The following NFXL1 variants were observed in gnomAD, a reference collection of about 807,000 sequenced individuals.
NFXL1 encodes the protein NF-X1-type zinc finger protein NFXL1.
In NFXL1, 66 loss-of-function variants were observed where a neutral mutation model predicts 123.3. The ratio of observed to expected loss-of-function variants is 0.54; its 90% CI spans 0.44 to 0.66. The LOEUF is 0.66. NFXL1 is among the 30% of genes least tolerant of loss of function. NFXL1 has a pLI of 0.00. For synonymous variants in NFXL1, 346 were observed against 360.8 expected, an observed-to-expected ratio of 0.96 and a Z score of 0.46; for missense variants, 944 against 1,125.6, an observed-to-expected ratio of 0.84 and a Z score of 2.31.
chr4:47,858,344 T>C (rs188874019), intron 19 of NFXL1, among the ~76,000 whole-genome samples: 1 of 152,328 alleles, frequency 6.6e-6, no homozygotes, highest in African/African-American at 2.4e-5. Flanking sequence ...TGGAAATCAA[T>C]TTGATATTAT....
chr4:47,906,690 G>A (rs1219740802), intron 3 of NFXL1, among the ~76,000 whole-genome samples: 1 of 152,068 alleles, frequency 6.6e-6, no homozygotes, highest in Non-Finnish European at 1.5e-5. Flanking sequence ...TAATTTAACA[G>A]CTAACTCAAA....
intron 15 of NFXL1, among the ~76,000 whole-genome samples, chr4:47,883,194 G>A (rs1412240875): frequency 1.3e-5 from 2 of 151,232 alleles, no homozygotes; most frequent in Non-Finnish European, 2.9e-5. Flanking sequence ...GCAGTGAGCC[G>A]ACATTGAACC....
intron 21 of NFXL1, 145 bp downstream of exon 21, chr4:47,851,711 C>A (rs548143598): frequency 1.3e-5 from 7 of 551,094 alleles, no homozygotes; most frequent in Non-Finnish European, 2.2e-5. Context: ...TCCCAATCTG[C>A]CATTCAAAAT....
At chr4:47,877,259 T>C in intron 17 of NFXL1, 5 of 437,520 alleles carry the variant, frequency 1.1e-5, no homozygotes, top group South Asian at 3.2e-5. Context: ...AAAAAATCAC[T>C]GAATCTACAC....
At chr4:47,886,070 A>C in intron 12 of NFXL1, 71 bp from the exon 13 acceptor site, 1 of 1,369,214 alleles carries the variant, frequency 7.3e-7, no homozygotes, top group South Asian at 1.3e-5. Context: ...AAAATACATA[A>C]ATTTAGTATA....
intron 18 of NFXL1, among the ~76,000 whole-genome samples, chr4:47,863,934 T>A (rs1005571126): frequency 2.0e-5 from 3 of 152,216 alleles, no homozygotes; most frequent in Admixed American, 6.5e-5. Context: ...TTTCTTACTT[T>A]TCCTATTCTT....
chr4:47,889,267 T>A (rs1467181540), intron 12 of NFXL1, among the ~76,000 whole-genome samples: 2 of 151,998 alleles, frequency 1.3e-5, no homozygotes, highest in African/African-American at 4.8e-5. Flanking sequence ...ACTCAATGGG[T>A]CAGTGATGTA....
chr4:47,875,102 A>C, intron 18 of NFXL1, 25 bp downstream of exon 18: 1 of 1,499,298 alleles, frequency 6.7e-7, no homozygotes, highest in South Asian at 1.2e-5. Flanking sequence ...GTAATAAAAT[A>C]AGACTTTTTT....
intron 19 of NFXL1, among the ~76,000 whole-genome samples, chr4:47,859,841 C>CAAAAAAAAAAAAAA (rs938207203): frequency 2.1e-4 from 3 of 14,314 alleles, no homozygotes; most frequent in South Asian, 5.4e-3. Context: ...GACTCCATCT[C>CAAAAAAAAAAAAAA]AAAAAAAAAA....
intron 12 of NFXL1, among the ~76,000 whole-genome samples, chr4:47,886,403 C>T (rs1352729247): frequency 1.3e-5 from 2 of 151,886 alleles, no homozygotes; most frequent in Admixed American, 1.3e-4. Context: ...GGGTCTCAAC[C>T]TGTTGCTCAA....
chr4:47,876,666 A>C (rs1003927579), intron 17 of NFXL1, among the ~76,000 whole-genome samples: 5 of 152,188 alleles, frequency 3.3e-5, no homozygotes, highest in African/African-American at 1.2e-4. Flanking sequence ...TACTTGATTT[A>C]AATTTTTTAG....
intron 18 of NFXL1, among the ~76,000 whole-genome samples, chr4:47,867,270 A>C (rs936584787): frequency 3.3e-5 from 5 of 152,170 alleles, no homozygotes; most frequent in Admixed American, 1.3e-4. Context: ...AAATTACATC[A>C]GAAATAAAAA....
intron 18 of NFXL1, among the ~76,000 whole-genome samples, chr4:47,864,909 G>A (rs1734962547): frequency 6.6e-6 from 1 of 152,200 alleles, no homozygotes; most frequent in African/African-American, 2.4e-5. Context: ...CAAAGAGGGG[G>A]CTGTGTGAAC....
intron 20 of NFXL1, among the ~76,000 whole-genome samples, chr4:47,853,036 AAG>A (rs1162239685): frequency 6.6e-6 from 1 of 151,916 alleles, no homozygotes. Context: ...TTGTCCTCCA[AAG>A]ACAGTCCAGA....
chr4:47,873,797 TCTAA>T (rs1735581925), intron 18 of NFXL1, among the ~76,000 whole-genome samples: 1 of 152,218 alleles, frequency 6.6e-6, no homozygotes, highest in Non-Finnish European at 1.5e-5. Context: ...CTGACTTCTC[TCTAA>T]CTATGAAAGT....
chr4:47,854,954 AAAG>A, intron 20 of NFXL1, 102 bp downstream of exon 20: 1 of 394,006 alleles, frequency 2.5e-6, no homozygotes, highest in Non-Finnish European at 4.6e-6. Flanking sequence ...AAAAAAAAAA[AAAG>A]CCAAACAACT....
chr4:47,869,126 G>A (rs1463571937), intron 18 of NFXL1, among the ~76,000 whole-genome samples: 5 of 152,182 alleles, frequency 3.3e-5, no homozygotes, highest in East Asian at 1.9e-4. Flanking sequence ...TTGAGAGGCT[G>A]AGGCGGGAGG....
intron 8 of NFXL1, 120 bp downstream of exon 8, chr4:47,898,637 T>G (rs1737227784): frequency 1.5e-6 from 1 of 657,632 alleles, no homozygotes; most frequent in Non-Finnish European, 2.8e-6. Context: ...ATAATTCATC[T>G]GAGTTGCTAT....
intron 18 of NFXL1, among the ~76,000 whole-genome samples, chr4:47,865,544 T>C: frequency 6.7e-6 from 1 of 149,402 alleles, no homozygotes; most frequent in East Asian, 1.9e-4. Context: ...AATGCAAGTA[T>C]TTTCATAGAG....
Sources: allele counts gnomAD v4.1 joint callset (sites outside exome capture counted in the v4.1 genomes callset), GRCh38; gene constraint gnomAD v4.1.1; transcripts MANE v1.5; gene names NCBI Gene and HGNC (gene_info 2026-07-23, HGNC 2026-07-21).